Variants in CLOCK observed in about 807,000 individuals in gnomAD.
The protein encoded by CLOCK is clock circadian regulator.
CLOCK carries 43 observed loss-of-function variants against 118.4 expected under a neutral mutation model. The ratio of observed to expected loss-of-function variants is 0.36; its 90% CI spans 0.28 to 0.47. The LOEUF (loss-of-function observed/expected upper bound fraction) is 0.47, where lower values mean the gene tolerates loss of function less well. CLOCK is among the 20% of genes least tolerant of loss of function. The pLI is 1.00. For missense variants in CLOCK, 846 were observed against 999.9 expected, an observed-to-expected ratio of 0.85 and a Z score of 2.08; for synonymous variants, 326 against 339.2, an observed-to-expected ratio of 0.96 and a Z score of 0.43.
At chr4:55,496,760 T>C (rs112867738) in intron 2 of CLOCK, among the ~76,000 whole-genome samples, 3 of 152,304 alleles carry the variant, frequency 2.0e-5, no homozygotes, top group African/African-American at 7.2e-5. Context: ...TCTACTTTAC[T>C]GTACACAGAC....
At chr4:55,451,568 T>C (rs1432222882) in intron 15 of CLOCK, among the ~76,000 whole-genome samples, 2 of 152,210 alleles carry the variant, frequency 1.3e-5, no homozygotes, top group Non-Finnish European at 2.9e-5. Context: ...AGGGGGATCA[T>C]GATGCTGGCA....
chr4:55,454,539 C>A (rs1195026992), intron 13 of CLOCK, among the ~76,000 whole-genome samples: 1 of 144,218 alleles, frequency 6.9e-6, no homozygotes, highest in African/African-American at 2.6e-5. Context: ...CACTTGAACC[C>A]GGGAGGTGGA....
In CLOCK at chr4:55,502,177, C is replaced by G. The variant is rs554806215; in HGVS notation, c.-136+7735G>C. On this transcript the variant is annotated intron_variant, in intron 2 of 22. Coordinates refer to ENST00000513440, the MANE Select transcript of CLOCK (RefSeq NM_004898.4). The stretch of plus-strand genomic sequence containing the variant: ...TTTATAAATTCTACACTAAGCTAGA[C>G]AAAATCCAATCAGGTTTGTGGCGGG... 4.6e-5 allele frequency among the ~76,000 whole-genome samples: 7 copies of G among 152,278 alleles called. No homozygotes were observed. In the South Asian group the frequency reaches 1.2e-3, roughly 27 times the overall value.
rs79900781 is a variant in CLOCK at position 55,523,710 on chromosome 4, A to G, written c.-289-13645T>C. Among the ~76,000 whole-genome samples, 4 of 152,272 alleles carry G rather than the reference A, an allele frequency of 2.6e-5. No homozygotes were observed. The East Asian group carries it at 7.7e-4, about 29-fold the overall frequency. ...AGATACATCTCCACATACATTTCAA[A>G]TATATTTCTAATACTTCTCCAGATT... On this transcript the variant is annotated intron_variant, in intron 1 of 22. Transcript: ENST00000513440.
At chr4:55,509,139 A>T (rs543864325) in intron 2 of CLOCK, among the ~76,000 whole-genome samples, 1 of 152,356 alleles carries the variant, frequency 6.6e-6, no homozygotes, top group East Asian at 1.9e-4. Flanking sequence ...CCATGATGAC[A>T]TGATGGCCAT....
chr4:55,492,214 T>C (rs1485032294), intron 2 of CLOCK, among the ~76,000 whole-genome samples: 2 of 152,182 alleles, frequency 1.3e-5, no homozygotes, highest in Non-Finnish European at 2.9e-5. Flanking sequence ...TATTTATCCC[T>C]GGGATTTGAG....
chr4:55,438,297 C>T lies in CLOCK; in HGVS notation c.2346G>A (p.Pro782=). 1.9e-6 allele frequency: 3 copies of T among 1,614,066 alleles called. No homozygotes were observed. The highest frequency in any genetic ancestry group is 2.5e-6 in the Non-Finnish European group (3 of 1,180,002). ...QPSQAQLTQP[P]QQFLQTSRLL... ...GGAGAATTACCTGTAAAAATTGTTG[C>T]GGTGGCTGGGTCAGCTGAGCCTGAG... Residue 782 remains proline (P), a synonymous_variant, in exon 22 of 23, where the codon CCG becomes CCA. Transcript: ENST00000513440.
Position 55,430,854 on chromosome 4 carries a change from G to A in CLOCK, c.*4561C>T, listed in dbSNP as rs929394023. The A allele has an allele frequency of 1.3e-5, 2 of 152,150 alleles. No homozygotes were observed. Among genetic ancestry groups the A allele is most frequent in the Admixed American group, 1.3e-4 (2 of 15,270 alleles). The allele number at this position is 152,150 out of a possible 1,614,324, so 9.4% of individuals were successfully genotyped here. A position where few individuals can be genotyped will look rare whatever the true frequency, so the allele number is the denominator to read the frequency against. ...GGTGTCCACACAATAGGCAAGATAG[G>A]TTTACAATAGTGTTTAAATCAAACT... On this transcript the variant is annotated 3_prime_UTR_variant, in exon 23 of 23. Transcript: ENST00000513440.
chr4:55,480,482 T>C (rs1478774433), intron 4 of CLOCK, among the ~76,000 whole-genome samples: 3 of 152,120 alleles, frequency 2.0e-5, no homozygotes, highest in Non-Finnish European at 4.4e-5. Context: ...ACCAGGCTGG[T>C]CTTGAACTCC....
intron 18 of CLOCK, among the ~76,000 whole-genome samples, chr4:55,447,279 G>A (rs1455349424): frequency 6.6e-6 from 1 of 152,044 alleles, no homozygotes. Context: ...AGGCGGGATC[G>A]CCTGAGCTCA....
intron 21 of CLOCK, among the ~76,000 whole-genome samples, chr4:55,441,741 G>A (rs1439708500): frequency 6.6e-6 from 1 of 151,928 alleles, no homozygotes; most frequent in African/African-American, 2.4e-5. Flanking sequence ...GTGGGGGTGA[G>A]GGATAAAAAA....
intron 2 of CLOCK, among the ~76,000 whole-genome samples, chr4:55,494,008 T>C (rs1383041738): frequency 6.6e-6 from 1 of 152,324 alleles, no homozygotes; most frequent in Middle Eastern, 3.4e-3. Context: ...AACTAATATA[T>C]ATTTTTCAAG....
At chr4:55,442,864 T>C (rs374932556) in intron 20 of CLOCK, among the ~76,000 whole-genome samples, 1 of 152,072 alleles carries the variant, frequency 6.6e-6, no homozygotes, top group East Asian at 1.9e-4. Context: ...AGGAGTGTGA[T>C]TGTAATAGAG....
intron 9 of CLOCK, among the ~76,000 whole-genome samples, chr4:55,460,233 C>A (rs1468363574): frequency 6.6e-6 from 1 of 152,196 alleles, no homozygotes; most frequent in Non-Finnish European, 1.5e-5. Context: ...TACCTTCCCA[C>A]CTTACTGACT....
Position 55,438,431 on chromosome 4 carries a change from A to G in CLOCK, c.2212T>C (p.Tyr738His). 1.2e-6 allele frequency: 2 copies of G among 1,613,910 alleles called. No homozygotes were observed. The highest frequency in any genetic ancestry group is 1.7e-6 in the Non-Finnish European group (2 of 1,180,012). Residue 738 changes from tyrosine (Y) to histidine (H), a missense_variant, in exon 22 of 23, where the codon TAT becomes CAT. Physicochemically the swap from Tyr to His is moderately conservative, Grantham distance 83. Coordinates refer to ENST00000513440, the MANE Select transcript of CLOCK (RefSeq NM_004898.4). ...TMLMGQVVTA[Y>H]PTFATQQQQS... ...TGCTGTTGTGTAGCAAAAGTAGGAT[A>G]TGCAGTCACCACCTGGCCCATAAGC...
intron 1 of CLOCK, among the ~76,000 whole-genome samples, chr4:55,532,258 C>G (rs1730601188): frequency 6.6e-6 from 1 of 152,120 alleles, no homozygotes; most frequent in Non-Finnish European, 1.5e-5. Flanking sequence ...GGATTAGGAG[C>G]AAGTCGAGGA....
chr4:55,450,282 TC>T, intron 15 of CLOCK, 50 bp from the exon 16 acceptor site: 1 of 1,609,444 alleles, frequency 6.2e-7, no homozygotes, highest in East Asian at 2.2e-5. Context: ...AGTTCAGAGA[TC>T]TCAAATTCAC....
intron 21 of CLOCK, among the ~76,000 whole-genome samples, chr4:55,441,455 C>T (rs957291176): frequency 1.1e-4 from 16 of 152,112 alleles, no homozygotes; most frequent in African/African-American, 3.9e-4. Flanking sequence ...GTACAGTTCA[C>T]AATTCCAAAG....
chr4:55,439,576 G>A (rs760172175), intron 21 of CLOCK, among the ~76,000 whole-genome samples: 9 of 152,124 alleles, frequency 5.9e-5, no homozygotes, highest in Non-Finnish European at 8.8e-5. Context: ...ATCATAAGCA[G>A]CATTATTCAC....
Sources: allele counts gnomAD v4.1 joint callset (sites outside exome capture counted in the v4.1 genomes callset), GRCh38; gene constraint gnomAD v4.1.1; transcripts MANE v1.5; gene names NCBI Gene and HGNC (gene_info 2026-07-23, HGNC 2026-07-21).